The following ARAP2 variants were observed in gnomAD, a reference collection of about 807,000 sequenced individuals.
The protein encoded by ARAP2 is arf-GAP with Rho-GAP domain, ANK repeat and PH domain-containing protein 2.
ARAP2 carries 148 observed loss-of-function variants against 194.5 expected under a neutral mutation model. That is an observed-to-expected ratio of 0.76 (90% CI 0.67 to 0.87). The LOEUF (loss-of-function observed/expected upper bound fraction) is 0.87, where lower values mean the gene tolerates loss of function less well. Ranked by LOEUF, ARAP2 falls within the 40% of genes least tolerant of loss-of-function variation. The pLI is 0.00. For synonymous variants in ARAP2, 695 were observed against 683.5 expected (o/e 1.02, Z -0.26); for missense variants, 2,128 against 1,989.7 (o/e 1.07, Z -1.32).
intron 19 of ARAP2, among the ~76,000 whole-genome samples, chr4:36,140,078 C>G (rs149131545): frequency 6.6e-6 from 1 of 150,612 alleles, no homozygotes; most frequent in East Asian, 2.0e-4. Context: ...CTACTAAAGT[C>G]CTTCATTGGA....
At position 36,040,271 on chromosome 4, in the gene ARAP2, G is replaced by T. The variant is rs1720626826; in HGVS notation, n.607+5708C>A. On this transcript the variant is annotated intron_variant and non_coding_transcript_variant, in intron 5 of 12. Coordinates refer to the ARAP2 transcript ENST00000503225. The stretch of plus-strand genomic sequence containing the variant: ...GTGGGATGAGCAAAACAAAATCCTT[G>T]CAGTGTACAAATTGATCCATGTGGA... Among the ~76,000 whole-genome samples, 3 of 152,108 alleles carry T rather than the reference G, an allele frequency of 2.0e-5. No homozygotes were observed. In the South Asian group the frequency reaches 6.2e-4, roughly 32 times the overall value.
At chr4:36,180,908 C>T (rs1338029567) in intron 8 of ARAP2, among the ~76,000 whole-genome samples, 1 of 152,186 alleles carries the variant, frequency 6.6e-6, no homozygotes, top group African/African-American at 2.4e-5. Flanking sequence ...TGGAAAGGAA[C>T]AACGGAACAG....
At chr4:36,079,613 C>G (rs1329430963) in intron 31 of ARAP2, among the ~76,000 whole-genome samples, 1 of 152,096 alleles carries the variant, frequency 6.6e-6, no homozygotes, top group Non-Finnish European at 1.5e-5. Context: ...GGGAGGAAAA[C>G]AAATACGGAA....
chr4:36,099,624 A>T (rs1716307724), intron 27 of ARAP2, among the ~76,000 whole-genome samples: 1 of 152,092 alleles, frequency 6.6e-6, no homozygotes, highest in African/African-American at 2.4e-5. Context: ...TTTCCTGTTT[A>T]AAATAATGTA....
Position 36,099,491 on chromosome 4 carries a change from C to T in ARAP2, c.4286-7471G>A, listed in dbSNP as rs549138146. On this transcript the variant is annotated intron_variant, in intron 27 of 32. Coordinates refer to ENST00000303965, the MANE Select transcript of ARAP2 (RefSeq NM_015230.4). ...CAATATCGTACGCCTGTCATACAAG[C>T]TATAAAGGAAGAGAAAATTCACTTT... Among the ~76,000 whole-genome samples the T allele has an allele frequency of 1.2e-4, 18 of 152,152 alleles. No individual in the cohort carries two copies. The South Asian group carries it at 3.7e-3, about 32-fold the overall frequency.
chr4:36,177,913 A>G lies in ARAP2; in HGVS notation c.1771T>C (p.Cys591Arg), dbSNP rs199503651. The G allele has an allele frequency of 1.6e-4, 251 of 1,613,664 alleles. 3 individuals are homozygous for G. In the Admixed American group the frequency reaches 4.1e-3, roughly 26 times the overall value. The change falls in exon 9 of 33, where the codon TGT becomes CGT. Residue 591 changes from cysteine (C) to arginine (R), a missense_variant. Coordinates refer to ENST00000303965, the MANE Select transcript of ARAP2 (RefSeq NM_015230.4). ...QSQAVVTPEKCGYLELRGYKA... is the reference protein window; with the variant it reads ...QSQAVVTPEKRGYLELRGYKA... ...TAGCCTCTCAATTCAAGATATCCAC[A>G]TTTCTCAGGTGTAACAACAGCTTGA...
chr4:36,149,835 A>C (rs1730530853), intron 16 of ARAP2, among the ~76,000 whole-genome samples: 1 of 152,172 alleles, frequency 6.6e-6, no homozygotes, highest in South Asian at 2.1e-4. Flanking sequence ...TCATATAATA[A>C]AGGTAATATG....
At chr4:36,213,974 A>T (rs933007898) in intron 3 of ARAP2, among the ~76,000 whole-genome samples, 1 of 152,196 alleles carries the variant, frequency 6.6e-6, no homozygotes, top group Non-Finnish European at 1.5e-5. Context: ...ATTGTCAAAA[A>T]GAATGTTCCC....
At chr4:36,048,681 T>C (rs958830131) in intron 3 of ARAP2, among the ~76,000 whole-genome samples, 8 of 152,130 alleles carry the variant, frequency 5.3e-5, no homozygotes, top group Non-Finnish European at 1.2e-4. Context: ...CAGGTACATA[T>C]GCCTTTTTGG....
intron 16 of ARAP2, among the ~76,000 whole-genome samples, chr4:36,149,747 A>T (rs1436538714): frequency 6.6e-6 from 1 of 152,166 alleles, no homozygotes; most frequent in Non-Finnish European, 1.5e-5. Context: ...AAACAAAAAC[A>T]AGTCAATTAA....
At chr4:36,090,418 T>C (rs1460512434) in intron 28 of ARAP2, among the ~76,000 whole-genome samples, 2 of 152,068 alleles carry the variant, frequency 1.3e-5, no homozygotes, top group Non-Finnish European at 2.9e-5. Flanking sequence ...GTCAGCATCA[T>C]CCTGATACCA....
exon 2 of ARAP2, chr4:36,058,138 G>A (rs1362634210): frequency 3.3e-5 from 5 of 152,072 alleles, no homozygotes; most frequent in Non-Finnish European, 7.3e-5. Context: ...GCTCACAAGG[G>A]TCTCTCTGCA....
chr4:36,192,247 TAAC>T (rs1476287123), intron 7 of ARAP2, among the ~76,000 whole-genome samples: 1 of 114,478 alleles, frequency 8.7e-6, no homozygotes, highest in East Asian at 2.7e-4. Flanking sequence ...TCACAGAAAA[TAAC>T]AACTTAAATT....
At position 36,228,894 on chromosome 4, in the gene ARAP2, T is replaced by C; in HGVS notation, c.593A>G (p.Lys198Arg). 2 of 1,613,996 alleles carry C rather than the reference T, an allele frequency of 1.2e-6. No individual in the cohort carries two copies. The highest frequency in any genetic ancestry group is 1.7e-6 in the Non-Finnish European group (2 of 1,179,968). Reference sequence around the variant, plus strand: ...GAGATTTTCTGTGATCAATTTAACTTTTTCTGTTTGTTGTTCTTCAACTGT... The same window carrying C: ...GAGATTTTCTGTGATCAATTTAACTCTTTCTGTTTGTTGTTCTTCAACTGT... ...DHTVEEQQTE[K>R]VKLITENLSK... The change falls in exon 2 of 33, where the codon AAA becomes AGA. Residue 198 changes from lysine (K) to arginine (R), a missense_variant. By Grantham distance (26) the Lys-to-Arg change is conservative. Transcript: ENST00000303965.
chr4:36,118,962 A>G (rs888062690), intron 24 of ARAP2, among the ~76,000 whole-genome samples: 4 of 151,440 alleles, frequency 2.6e-5, no homozygotes, highest in Non-Finnish European at 5.9e-5. Context: ...CTCATTATGT[A>G]TCTGTAAACA....
intron 5 of ARAP2, among the ~76,000 whole-genome samples, chr4:36,032,678 T>C (rs1403818527): frequency 1.3e-5 from 2 of 152,236 alleles, no homozygotes; most frequent in Non-Finnish European, 2.9e-5. Flanking sequence ...TTTTATTTTT[T>C]AACTTTTATT....
In ARAP2 at chr4:36,229,405, G is replaced by A. The variant is rs201723424; in HGVS notation, c.82C>T (p.His28Tyr). 1 of 1,613,798 alleles carries A rather than the reference G, an allele frequency of 6.2e-7. No individual in the cohort carries two copies. The highest frequency in any genetic ancestry group is 1.3e-5 in the African/African-American group (1 of 74,890). ...TTCACAGTAGTAAAACCAGACTCAT[G>A]GAAATGTAAGAGATACTGCTCCAAA... Reference protein sequence around the residue: ...INLEQYLLHFHESGFTTVKDC... With the variant: ...INLEQYLLHFYESGFTTVKDC... The change falls in exon 2 of 33, where the codon CAT becomes TAT. Residue 28 changes from histidine to tyrosine, a missense_variant. By Grantham distance (83) the His-to-Tyr change is moderately conservative (BLOSUM62 2). Coordinates refer to ENST00000303965, the MANE Select transcript of ARAP2 (RefSeq NM_015230.4).
intron 1 of ARAP2, among the ~76,000 whole-genome samples, chr4:36,233,945 G>C (rs1227608283): frequency 6.6e-6 from 1 of 152,150 alleles, no homozygotes; most frequent in Admixed American, 6.5e-5. Context: ...GTCCTAGTCC[G>C]TTCAGACTGA....
intron 7 of ARAP2, chr4:36,015,899 C>T (rs1345965341): frequency 6.6e-6 from 1 of 152,084 alleles, no homozygotes; most frequent in Admixed American, 6.6e-5. Context: ...TGGCAATATA[C>T]CTCAGGAATA....
Sources: gnomAD v4.1 joint callset for allele counts (sites outside exome capture counted in the v4.1 genomes callset) on GRCh38, gnomAD v4.1.1 for gene constraint, MANE v1.5 for transcripts, NCBI Gene and HGNC (gene_info 2026-07-23, HGNC 2026-07-21) for gene names.